The following SRPRA variants were observed in gnomAD, a reference collection of about 807,000 sequenced individuals.
SRPRA encodes the protein SRP receptor subunit alpha, also known as signal recognition particle receptor subunit alpha.
A neutral mutation model predicts 61.1 loss-of-function variants in SRPRA; 30 were observed. The ratio of observed to expected loss-of-function variants is 0.49; its 90% CI spans 0.37 to 0.67. The LOEUF (loss-of-function observed/expected upper bound fraction) is 0.67. Among genes scored for constraint, SRPRA ranks in the 30% least tolerant of loss-of-function variants. The pLI is 0.00. For synonymous variants in SRPRA, 324 were observed against 299.7 expected, an observed-to-expected ratio of 1.08 and a Z score of -0.84; for missense variants, 759 against 828.4, an observed-to-expected ratio of 0.92 and a Z score of 1.03.
the SRPRA span, among the ~76,000 whole-genome samples, chr11:126,237,215 C>T: frequency 9.3e-5 from 4 of 43,098 alleles, no homozygotes; most frequent in African/African-American, 8.4e-5. Flanking sequence ...CGCGCCTGGC[C>T]TTTTTTTTTT....
At chr11:126,258,760 A>G (rs1950622577), downstream of SRPRA, among the ~76,000 whole-genome samples, 1 of 152,238 alleles carries the variant, frequency 6.6e-6, no homozygotes, top group Non-Finnish European at 1.5e-5. Context: ...CTTTTGATCT[A>G]TATGCTGAGG....
At chr11:126,261,312 T>C (rs1446242809), downstream of SRPRA, 20 of 760,536 alleles carry the variant, frequency 2.6e-5, no homozygotes, top group Non-Finnish European at 4.2e-5. Context: ...CATTTCTAAA[T>C]GCCCATTCCT....
At chr11:126,240,889 C>T in the SRPRA span, 1 of 1,614,036 alleles carries the variant, frequency 6.2e-7, no homozygotes, top group East Asian at 2.2e-5. Context: ...AGTTCCAGCC[C>T]TCAAATCCTG....
Position 126,266,887 on chromosome 11 carries a change from G to A in SRPRA, c.562C>T (p.Pro188Ser). 1 of 1,614,154 alleles carries A rather than the reference G, an allele frequency of 6.2e-7. No individual in the cohort carries two copies. The highest frequency in any genetic ancestry group is 1.1e-5 in the South Asian group (1 of 91,078). ...ACTGGAAGACCTGACTTTTCTGCAG[G>A]GACTGGTTTGCTGGTAGCCAAAGGA... Reference protein sequence around the residue: ...DGPLATSKPVPAEKSGLPVGP... With the variant: ...DGPLATSKPVSAEKSGLPVGP... The change falls in exon 5 of 14, where the codon CCT (proline) becomes TCT (serine). Residue 188 changes from proline (P) to serine (S), a missense_variant. Transcript: ENST00000332118.
chr11:126,241,053 C>G, the SRPRA span: 2 of 1,563,204 alleles, frequency 1.3e-6, no homozygotes, highest in Non-Finnish European at 1.7e-6. Flanking sequence ...CTGTGAGTAC[C>G]CTAGTATGTG....
chr11:126,242,723 A>C, the SRPRA span, among the ~76,000 whole-genome samples: 1 of 152,216 alleles, frequency 6.6e-6, no homozygotes, highest in African/African-American at 2.4e-5. Context: ...AGAATCAAGA[A>C]GACAATAATA....
rs752391650 is a variant in SRPRA at position 126,265,807 on chromosome 11, T to C, written c.1068A>G (p.Ala356=). The C allele has an allele frequency of 6.2e-7, 1 of 1,614,126 alleles. No homozygotes were observed. The highest frequency in any genetic ancestry group is 8.5e-7 in the Non-Finnish European group (1 of 1,180,058). Residue 356 remains alanine (A), a synonymous_variant, in exon 9 of 14, where the codon GCA becomes GCG. Coordinates refer to ENST00000332118, the MANE Select transcript of SRPRA (RefSeq NM_003139.4). This position sits in a 1 kb window ranked among gnomAD's most constrained non-coding sequence, Gnocchi z 6.3. ...ATTCACAGAGCTGGACGGCAATGTC[T>C]GCAGCCACGTTCTTAGCTGAGGAGA... The part of the protein sequence containing the change: ...RDHLIAKNVA[A]DIAVQLCESV...
the SRPRA span, among the ~76,000 whole-genome samples, chr11:126,238,199 T>A: frequency 6.0e-5 from 9 of 150,908 alleles, no homozygotes; most frequent in African/African-American, 2.2e-4. Flanking sequence ...CCGTCTCTAC[T>A]AAAAATACAA....
chr11:126,246,115 AATAATAAAAATG>A, the SRPRA span, among the ~76,000 whole-genome samples: 3 of 152,226 alleles, frequency 2.0e-5, no homozygotes, highest in African/African-American at 7.2e-5. Flanking sequence ...ATTACAACTT[AATAATAAAAATG>A]ATATATTTAG....
downstream of SRPRA, chr11:126,262,573 G>A (rs1466228925): frequency 5.9e-6 from 1 of 169,660 alleles, no homozygotes; most frequent in Non-Finnish European, 1.3e-5. Flanking sequence ...ATGACTTGAA[G>A]CTCTAGTTTT....
the SRPRA span, among the ~76,000 whole-genome samples, chr11:126,256,021 A>G: frequency 1.3e-5 from 2 of 152,212 alleles, no homozygotes; most frequent in Admixed American, 6.5e-5. The surrounding 1 kb of genome is among the most constrained non-coding windows in gnomAD (Gnocchi z 6.6). Context: ...CTGTAATCCC[A>G]GCACTTTGGG....
At chr11:126,266,301 G>T (rs752134081) in intron 6 of SRPRA, 23 bp from the exon 7 acceptor site, 1 of 1,612,314 alleles carries the variant, frequency 6.2e-7, no homozygotes, top group Non-Finnish European at 8.5e-7. Flanking sequence ...GGGAAAGGAT[G>T]TGGGGTCAGG....
At chr11:126,237,244 G>T in the SRPRA span, among the ~76,000 whole-genome samples, 1 of 43,808 alleles carries the variant, frequency 2.3e-5, no homozygotes, top group African/African-American at 8.6e-5. Context: ...TTTTTGAGAT[G>T]GAGTCTCGCT....
chr11:126,267,856 G>A lies in SRPRA; in HGVS notation c.202-144C>T. The A allele has an allele frequency of 7.3e-7, 1 of 1,376,022 alleles. No individual in the cohort carries two copies. The highest frequency in any genetic ancestry group is 1.0e-6 in the Non-Finnish European group (1 of 990,598). 85.2% of individuals were successfully genotyped at this position (1,376,022 alleles called of 1,614,324 possible). ...TGAGAGGCAGCCAAGCTCCCTGCCT[G>A]GGCCCAGTAGCTGCTGTTTTCCCCC... On this transcript the variant is annotated intron_variant, in intron 2 of 13. Transcript: ENST00000332118. The surrounding 1 kb of genome is among the most constrained non-coding windows in gnomAD (Gnocchi z 4.2).
chr11:126,252,196 A>G, the SRPRA span, among the ~76,000 whole-genome samples: 1 of 151,984 alleles, frequency 6.6e-6, no homozygotes, highest in Non-Finnish European at 1.5e-5. This position sits in a 1 kb window ranked among gnomAD's most constrained non-coding sequence, Gnocchi z 4.7. Flanking sequence ...CATGTTGGCC[A>G]GGCTGGTCTC....
the SRPRA span, chr11:126,241,053 C>A: frequency 6.4e-7 from 1 of 1,563,202 alleles, no homozygotes; most frequent in Non-Finnish European, 8.7e-7. Context: ...CTGTGAGTAC[C>A]CTAGTATGTG....
At chr11:126,241,182 T>A in the SRPRA span, 2 of 945,876 alleles carry the variant, frequency 2.1e-6, no homozygotes, top group Non-Finnish European at 3.1e-6. Flanking sequence ...TTCCATAACA[T>A]TTGACTCTTC....
rs1238775006 is a variant in SRPRA at position 126,264,027 on chromosome 11, A to T, written c.1806T>A (p.Ser602=). Reference sequence around the variant, plus strand: ...TGGGTTTGCTTGTGATGTACGTCATAGAAATAGCAGCTCCCACCTAAGTGG... The same window carrying T: ...TGGGTTTGCTTGTGATGTACGTCATTGAAATAGCAGCTCCCACCTAAGTGG... ...TIDDKVGAAI[S]MTYITSKPIV... The change falls in exon 14 of 14, where the codon TCT becomes TCA. Residue 602 remains serine, a synonymous_variant. Transcript: ENST00000332118. This position sits in a 1 kb window ranked among gnomAD's most constrained non-coding sequence, Gnocchi z 5.0. The T allele has an allele frequency of 2.5e-6, 4 of 1,614,184 alleles. No individual in the cohort carries two copies. Among genetic ancestry groups the T allele is most frequent in the Non-Finnish European group, 3.4e-6 (4 of 1,180,028 alleles).
the SRPRA span, among the ~76,000 whole-genome samples, chr11:126,251,073 C>T: frequency 2.0e-5 from 3 of 152,010 alleles, no homozygotes; most frequent in Non-Finnish European, 2.9e-5. Flanking sequence ...TTTAGGATAC[C>T]TTTTTTTATG....
Sources: gnomAD v4.1 joint callset for allele counts (sites outside exome capture counted in the v4.1 genomes callset) on GRCh38, gnomAD v4.1.1 for gene constraint, Gnocchi (gnomAD v3.1) non-coding constraint, MANE v1.5 for transcripts, NCBI Gene and HGNC (gene_info 2026-07-23, HGNC 2026-07-21) for gene names.